The following CNTNAP5 variants were observed in gnomAD, a reference collection of about 807,000 sequenced individuals.
CNTNAP5 encodes the protein contactin-associated protein-like 5.
A neutral mutation model predicts 150.2 loss-of-function variants in CNTNAP5; 72 were observed. That is an observed-to-expected ratio of 0.48 (90% CI 0.40 to 0.58). CNTNAP5 has a LOEUF of 0.58. Ranked by LOEUF, CNTNAP5 falls within the 20% of genes least tolerant of loss-of-function variation. The pLI is 0.00. For missense variants in CNTNAP5, 1,636 were observed against 1,626.2 expected (o/e 1.01, Z -0.10); for synonymous variants, 672 against 619.8 (o/e 1.08, Z -1.25).
At chr2:124,307,818 T>C (rs574842703) in intron 3 of CNTNAP5, among the ~76,000 whole-genome samples, 37 of 152,296 alleles carry the variant, frequency 2.4e-4, no homozygotes, top group African/African-American at 8.4e-4. Context: ...CACTGCTTTA[T>C]TTCCCCCACT....
chr2:124,406,145 G>T (rs903514838), intron 3 of CNTNAP5, among the ~76,000 whole-genome samples: 2 of 152,142 alleles, frequency 1.3e-5, no homozygotes, highest in Non-Finnish European at 2.9e-5. Flanking sequence ...GGTTTTTCTA[G>T]ATAATTTATT....
chr2:124,615,301 G>T (rs1677472430), intron 12 of CNTNAP5, among the ~76,000 whole-genome samples: 1 of 152,198 alleles, frequency 6.6e-6, no homozygotes, highest in Non-Finnish European at 1.5e-5. Context: ...CAAAATTGAA[G>T]TCAATCATTC....
intron 4 of CNTNAP5, among the ~76,000 whole-genome samples, chr2:124,431,676 A>ATAT (rs1692391294): frequency 6.8e-6 from 1 of 146,718 alleles, no homozygotes; most frequent in African/African-American, 2.5e-5. Flanking sequence ...CTTTATATAA[A>ATAT]TATAAATAAA....
intron 1 of CNTNAP5, among the ~76,000 whole-genome samples, chr2:124,192,773 T>G (rs1006434357): frequency 6.6e-6 from 1 of 152,156 alleles, no homozygotes; most frequent in South Asian, 2.1e-4. Flanking sequence ...TATTGAATAT[T>G]AAACCTCATC....
chr2:124,443,894 CTTA>C (rs971470095), intron 5 of CNTNAP5, among the ~76,000 whole-genome samples: 1 of 150,302 alleles, frequency 6.7e-6, no homozygotes, highest in Non-Finnish European at 1.5e-5. Flanking sequence ...AATATTTGGA[CTTA>C]TTATTAATAA....
At chr2:124,234,122 T>C (rs56990754) in intron 2 of CNTNAP5, among the ~76,000 whole-genome samples, 31,294 of 152,066 alleles carry the variant, frequency 0.21, 3,319 homozygotes, top group East Asian at 0.25. Context: ...AGTAATTTTT[T>C]TCCATATGCC....
intron 3 of CNTNAP5, among the ~76,000 whole-genome samples, chr2:124,339,067 C>A (rs941153410): frequency 5.3e-4 from 80 of 152,246 alleles, no homozygotes; most frequent in African/African-American, 1.8e-3. Flanking sequence ...ACTATTCTTG[C>A]TGAGTGCCTT....
Position 124,781,179 on chromosome 2 carries a change from G to A in CNTNAP5, c.2752+8162G>A, listed in dbSNP as rs567450802. On this transcript the variant is annotated intron_variant, in intron 17 of 23. Transcript: ENST00000682447. ...TATTTTCCAAGTGCATGCTCAGTCA[G>A]CCCTGGGCTGGGCAATGGGGTCATG... 4.9e-4 allele frequency among the ~76,000 whole-genome samples: 75 copies of A among 152,274 alleles called. 3 individuals carry two copies. In the South Asian group the frequency reaches 0.015, roughly 30 times the overall value.
chr2:124,797,231 A>G (rs1376558283), intron 18 of CNTNAP5, among the ~76,000 whole-genome samples: 1 of 152,222 alleles, frequency 6.6e-6, no homozygotes, highest in Non-Finnish European at 1.5e-5. Context: ...ACTCAGATCC[A>G]GTGCTGAGTC....
intron 1 of CNTNAP5, among the ~76,000 whole-genome samples, chr2:124,084,541 T>C (rs1430090090): frequency 6.6e-6 from 1 of 152,110 alleles, no homozygotes; most frequent in East Asian, 1.9e-4. Context: ...AGTGCTGGGA[T>C]TACAAGCCTG....
Position 124,309,693 on chromosome 2 carries a change from G to A in CNTNAP5, c.381+67300G>A, listed in dbSNP as rs570872871. On this transcript the variant is annotated intron_variant, in intron 3 of 23. Transcript: ENST00000682447. ...AAAGTCTGGGGCCTTTAGCCAGAGCGGTGCCTCCCCTGAGGATATGCTACT... is the reference window on the plus strand; with the variant it reads ...AAAGTCTGGGGCCTTTAGCCAGAGCAGTGCCTCCCCTGAGGATATGCTACT... Among the ~76,000 whole-genome samples the A allele has an allele frequency of 5.3e-5, 8 of 152,262 alleles. No individual in the cohort carries two copies. In the South Asian group the frequency reaches 6.2e-4, roughly 12 times the overall value.
At chr2:124,416,936 C>CTTTTTT (rs70996064) in intron 3 of CNTNAP5, among the ~76,000 whole-genome samples, 5 of 106,584 alleles carry the variant, frequency 4.7e-5, no homozygotes, top group African/African-American at 6.9e-5. Flanking sequence ...AGAGGGATTT[C>CTTTTTT]TTTTTTTTTT....
chr2:124,033,730 C>T (rs1477305832), intron 1 of CNTNAP5, among the ~76,000 whole-genome samples: 1 of 152,200 alleles, frequency 6.6e-6, no homozygotes, highest in Admixed American at 6.5e-5. Flanking sequence ...TGCAATGCTC[C>T]ATCCAACTCT....
rs531771808 is a variant in CNTNAP5 at position 124,685,440 on chromosome 2, T to C, written c.2077+37482T>C. Among the ~76,000 whole-genome samples, 3 of 142,868 alleles carry C rather than the reference T, an allele frequency of 2.1e-5. No homozygotes were observed. In the South Asian group the frequency reaches 6.4e-4, roughly 31 times the overall value. The allele number at this position is 142,868 out of a possible 152,430, so 93.7% of individuals were successfully genotyped here. On this transcript the variant is annotated intron_variant, in intron 13 of 23. Coordinates refer to ENST00000682447, the MANE Select transcript of CNTNAP5 (RefSeq NM_001367498.1). ...AAGGCTAAGGCAGCTGATAAAATAT[T>C]TTCCTTGTAGGTTATGCATCTGAGT...
intron 13 of CNTNAP5, among the ~76,000 whole-genome samples, chr2:124,665,864 C>G (rs898638666): frequency 8.2e-5 from 12 of 146,094 alleles, no homozygotes; most frequent in Non-Finnish European, 1.5e-4. Context: ...CCGGCCTGGG[C>G]GACAGAGCAA....
chr2:124,660,024 G>GAGGA (rs746322470), intron 13 of CNTNAP5, among the ~76,000 whole-genome samples: 17,485 of 133,126 alleles, frequency 0.13, 1,404 homozygotes, highest in Non-Finnish European at 0.16. Flanking sequence ...AGGAAGAAAG[G>GAGGA]AGGAAGGAAG....
At chr2:124,772,755 C>A in intron 16 of CNTNAP5, 44 bp from the exon 17 acceptor site, 1 of 1,505,744 alleles carries the variant, frequency 6.6e-7, no homozygotes, top group South Asian at 1.1e-5. Flanking sequence ...CTTGAATGAG[C>A]TAACAACTCC....
chr2:124,322,876 A>G (rs1402857966), intron 3 of CNTNAP5, among the ~76,000 whole-genome samples: 1 of 152,174 alleles, frequency 6.6e-6, no homozygotes, highest in Non-Finnish European at 1.5e-5. Context: ...ATTCAAAATT[A>G]TCTTTTCAAT....
intron 19 of CNTNAP5, among the ~76,000 whole-genome samples, chr2:124,823,877 T>G (rs1301090527): frequency 6.6e-6 from 1 of 152,046 alleles, no homozygotes; most frequent in Admixed American, 6.6e-5. Flanking sequence ...AGTTGCTAAC[T>G]GCAACATAGG....
Sources: allele counts gnomAD v4.1 joint callset (sites outside exome capture counted in the v4.1 genomes callset), GRCh38; gene constraint gnomAD v4.1.1; transcripts MANE v1.5; gene names NCBI Gene and HGNC (gene_info 2026-07-23, HGNC 2026-07-21).